The following CNBD1 variants were observed in gnomAD, a reference collection of about 807,000 sequenced individuals.
CNBD1 encodes cyclic nucleotide-binding domain-containing protein 1.
In CNBD1, 71 loss-of-function variants were observed where a neutral mutation model predicts 54.4. That is an observed-to-expected ratio of 1.30 (90% CI 1.08 to 1.59). CNBD1 has a LOEUF of 1.59. Among genes scored for constraint, CNBD1 ranks in the 40% most tolerant of loss-of-function variants. The pLI is 0.00. For synonymous variants in CNBD1, 182 were observed against 170.7 expected (o/e 1.07, Z -0.51); for missense variants, 659 against 518.0 (o/e 1.27, Z -2.64).
At chr8:87,416,843 A>G (rs1323787919) in intron 2 of CNBD1, among the ~76,000 whole-genome samples, 1 of 152,038 alleles carries the variant, frequency 6.6e-6, no homozygotes, top group Non-Finnish European at 1.5e-5. Flanking sequence ...AAAACTACAG[A>G]TCAACATTTT....
intron 2 of CNBD1, among the ~76,000 whole-genome samples, chr8:87,391,079 C>T (rs553323871): frequency 2.8e-4 from 39 of 136,908 alleles, no homozygotes; most frequent in East Asian, 7.8e-4. Context: ...CATCACACAC[C>T]GGGGCCTGTT....
At chr8:86,988,143 GT>G (rs34699647) in intron 4 of CNBD1, among the ~76,000 whole-genome samples, 95,931 of 134,206 alleles carry the variant, frequency 0.71, 33,828 homozygotes, top group East Asian at 0.86. Context: ...TGGTTGATAG[GT>G]TTTTTTTTTT....
At chr8:86,868,731 C>T (rs142571102) in intron 1 of CNBD1, among the ~76,000 whole-genome samples, 264 of 152,258 alleles carry the variant, frequency 1.7e-3, no homozygotes, top group Non-Finnish European at 3.0e-3. Flanking sequence ...CTTACAAGAA[C>T]TCTATGTCTT....
chr8:87,387,965 T>C (rs549008270), intron 2 of CNBD1, among the ~76,000 whole-genome samples: 1 of 152,108 alleles, frequency 6.6e-6, no homozygotes, highest in African/African-American at 2.4e-5. Context: ...TCAAAACCGC[T>C]CAACTACATG....
chr8:87,128,920 T>TAA (rs71277914), intron 4 of CNBD1, among the ~76,000 whole-genome samples: 31 of 126,366 alleles, frequency 2.5e-4, no homozygotes, highest in Non-Finnish European at 3.5e-4. Flanking sequence ...CGTCTCCACT[T>TAA]AAAAAAAAAA....
intron 3 of CNBD1, among the ~76,000 whole-genome samples, chr8:86,938,169 T>C (rs1466061541): frequency 6.6e-6 from 1 of 151,964 alleles, no homozygotes; most frequent in East Asian, 1.9e-4. Context: ...ATAGCAAGAG[T>C]CACCTTTATT....
At chr8:87,145,637 G>T (rs1812468989) in intron 4 of CNBD1, among the ~76,000 whole-genome samples, 1 of 152,154 alleles carries the variant, frequency 6.6e-6, no homozygotes, top group African/African-American at 2.4e-5. Context: ...GGATTGATTA[G>T]ATTTCAAGTG....
intron 4 of CNBD1, among the ~76,000 whole-genome samples, chr8:86,963,065 C>G (rs1807973875): frequency 6.6e-6 from 1 of 152,166 alleles, no homozygotes; most frequent in Non-Finnish European, 1.5e-5. Context: ...CTTTGTTCCT[C>G]TCTCTTCCTA....
intron 10 of CNBD1, among the ~76,000 whole-genome samples, chr8:87,364,941 T>C (rs1810611635): frequency 6.6e-6 from 1 of 152,086 alleles, no homozygotes; most frequent in South Asian, 2.1e-4. Context: ...TGAGCAGTGC[T>C]GCAGTGAACA....
chr8:86,916,597 C>T (rs1417182340), intron 3 of CNBD1, among the ~76,000 whole-genome samples: 1 of 152,050 alleles, frequency 6.6e-6, no homozygotes, highest in African/African-American at 2.4e-5. Context: ...TCTACTTCAC[C>T]CAATTCCTGG....
At chr8:87,336,673 C>A (rs1050555397) in intron 8 of CNBD1, among the ~76,000 whole-genome samples, 2 of 152,150 alleles carry the variant, frequency 1.3e-5, no homozygotes, top group African/African-American at 4.8e-5. Context: ...TTTGTTATTA[C>A]CCACCTTCTG....
intron 4 of CNBD1, among the ~76,000 whole-genome samples, chr8:86,984,098 T>C (rs1445166285): frequency 6.6e-6 from 1 of 152,134 alleles, no homozygotes; most frequent in African/African-American, 2.4e-5. Flanking sequence ...TTTAGGGACT[T>C]GGCACCCTGC....
At chr8:87,138,489 C>A (rs1440652096) in intron 4 of CNBD1, among the ~76,000 whole-genome samples, 1 of 152,184 alleles carries the variant, frequency 6.6e-6, no homozygotes, top group Non-Finnish European at 1.5e-5. Context: ...TCACTTCTTA[C>A]CATCCCTGTG....
At chr8:87,378,944 G>A (rs975875774) in intron 10 of CNBD1, among the ~76,000 whole-genome samples, 3 of 148,928 alleles carry the variant, frequency 2.0e-5, no homozygotes, top group Admixed American at 6.8e-5. Context: ...CTCATGATTT[G>A]GCTCTCTGTT....
chr8:87,125,396 T>A (rs564901890), intron 4 of CNBD1, among the ~76,000 whole-genome samples: 1 of 151,868 alleles, frequency 6.6e-6, no homozygotes, highest in South Asian at 2.1e-4. Flanking sequence ...AAAGAACTTA[T>A]AATCAAAATA....
chr8:87,138,943 G>A (rs1812316488), intron 4 of CNBD1, among the ~76,000 whole-genome samples: 1 of 152,300 alleles, frequency 6.6e-6, no homozygotes, highest in Non-Finnish European at 1.5e-5. Context: ...GAGTAAAAGT[G>A]ATTGAGCTTT....
chr8:87,104,147 A>G (rs542195018), intron 4 of CNBD1, among the ~76,000 whole-genome samples: 44 of 152,350 alleles, frequency 2.9e-4, no homozygotes, highest in African/African-American at 9.6e-4. Context: ...GTAATAAACT[A>G]TGTTGAAAGG....
intron 8 of CNBD1, among the ~76,000 whole-genome samples, chr8:87,321,202 G>C (rs551557542): frequency 7.5e-4 from 111 of 148,764 alleles, no homozygotes; most frequent in South Asian, 2.3e-3. Context: ...CCAGAAGTAA[G>C]AATGCTGAAT....
intron 4 of CNBD1, among the ~76,000 whole-genome samples, chr8:87,108,304 ATGT>A (rs1408629074): frequency 6.6e-6 from 1 of 152,172 alleles, no homozygotes; most frequent in Non-Finnish European, 1.5e-5. Context: ...ATTATTTATA[ATGT>A]TATAATGTTT....
Sources: gnomAD v4.1 joint callset for allele counts (sites outside exome capture counted in the v4.1 genomes callset) on GRCh38, gnomAD v4.1.1 for gene constraint, MANE v1.5 for transcripts, NCBI Gene and HGNC (gene_info 2026-07-23, HGNC 2026-07-21) for gene names.